SPECC1: variants seen among roughly 807,000 people sequenced by gnomAD.
SPECC1 encodes the protein sperm antigen with calponin homology and coiled-coil domains 1.
A neutral mutation model predicts 104.1 loss-of-function variants in SPECC1; 62 were observed. That is an observed-to-expected ratio of 0.60 (90% CI 0.49 to 0.74). The LOEUF is 0.74. SPECC1 is among the 30% of genes least tolerant of loss of function. The pLI, the probability that SPECC1 is intolerant of heterozygous loss-of-function variation, is 0.00. For synonymous variants in SPECC1, 513 were observed against 501.6 expected (o/e 1.02, Z -0.30); for missense variants, 1,306 against 1,310.5 (o/e 1.00, Z 0.05).
At chr17:20,281,091 G>T (rs560644555) in intron 12 of SPECC1, among the ~76,000 whole-genome samples, 1 of 152,212 alleles carries the variant, frequency 6.6e-6, no homozygotes, top group African/African-American at 2.4e-5. Flanking sequence ...TCTGATGTCA[G>T]CTCAGTTCTT....
intron 3 of SPECC1, among the ~76,000 whole-genome samples, chr17:20,162,639 T>C (rs985943434): frequency 6.6e-5 from 10 of 152,376 alleles, no homozygotes; most frequent in African/African-American, 2.4e-4. Flanking sequence ...TACTTTGGTT[T>C]GGACTGGTTG....
At chr17:20,168,681 G>C (rs1454399192) in intron 3 of SPECC1, among the ~76,000 whole-genome samples, 2 of 152,176 alleles carry the variant, frequency 1.3e-5, no homozygotes, top group African/African-American at 4.8e-5. Flanking sequence ...GAATAACCAA[G>C]GAGATCAACT....
At chr17:20,087,574 A>G (rs1451397269) in intron 1 of SPECC1, among the ~76,000 whole-genome samples, 2 of 152,176 alleles carry the variant, frequency 1.3e-5, no homozygotes, top group Non-Finnish European at 2.9e-5. Flanking sequence ...GTACCTTTGT[A>G]GAAGCTCCCT....
intron 5 of SPECC1, 54 bp downstream of exon 5, chr17:20,227,674 G>C: frequency 6.5e-7 from 1 of 1,537,162 alleles, no homozygotes; most frequent in Non-Finnish European, 8.9e-7. Flanking sequence ...CAGCACTTTG[G>C]GAGGCTGAGG....
intron 13 of SPECC1, among the ~76,000 whole-genome samples, chr17:20,304,841 CTG>C (rs1344165566): frequency 6.6e-6 from 1 of 151,868 alleles, no homozygotes; most frequent in African/African-American, 2.4e-5. Context: ...GGCAGGCCCT[CTG>C]TGTCAGAATA....
chr17:20,302,353 G>A (rs2041617313), intron 13 of SPECC1, among the ~76,000 whole-genome samples: 1 of 152,150 alleles, frequency 6.6e-6, no homozygotes, highest in African/African-American at 2.4e-5. Flanking sequence ...CACCCTGCCC[G>A]GCTCCTGTGG....
chr17:20,110,617 A>G, intron 3 of SPECC1, 55 bp downstream of exon 3: 1 of 1,543,630 alleles, frequency 6.5e-7, no homozygotes, highest in Non-Finnish European at 8.7e-7. Context: ...GCCGCATGGA[A>G]GCACTTCAGT....
At chr17:20,213,173 C>T (rs2151390303) in intron 4 of SPECC1, among the ~76,000 whole-genome samples, 1 of 152,168 alleles carries the variant, frequency 6.6e-6, no homozygotes, top group South Asian at 2.1e-4. Context: ...TCATAGCTCT[C>T]TGCAGTCTCA....
intron 1 of SPECC1, among the ~76,000 whole-genome samples, chr17:20,045,914 G>A (rs8069572): frequency 0.027 from 4,016 of 151,338 alleles, 189 homozygotes; most frequent in African/African-American, 0.092. Flanking sequence ...ATCTTATTTT[G>A]TTGTATCTGG....
intron 12 of SPECC1, among the ~76,000 whole-genome samples, chr17:20,288,945 C>T (rs967245386): frequency 3.3e-5 from 5 of 151,640 alleles, no homozygotes; most frequent in South Asian, 2.1e-4. Context: ...CCACCGTGCC[C>T]GGCTAATTTT....
Position 20,296,965 on chromosome 17 carries a change from T to C in SPECC1, c.2945T>C (p.Ile982Thr). The C allele has an allele frequency of 1.7e-5, 28 of 1,614,190 alleles. No homozygotes were observed. Among genetic ancestry groups the C allele is most frequent in the Middle Eastern group, 1.7e-4 (1 of 6,058 alleles). ...CQKKTQGYAN[I>T]DITNFSSSWS... is the part of the protein sequence containing the mutation. ...TACTACTTTTCTCTCCTGCAGAACA[T>C]TGACATCACCAATTTCAGCAGCAGC... The change falls in exon 13 of 15, where the codon ATT becomes ACT. Residue 982 changes from isoleucine to threonine, a missense_variant. Physicochemically the swap from Ile to Thr is moderately conservative, Grantham distance 89. Around this residue, in one of 2 missense-constraint regions of SPECC1, gnomAD observed 129 missense variants for 170.6 expected, o/e 0.76. Coordinates refer to ENST00000395527, the MANE Select transcript of SPECC1 (RefSeq NM_001243439.2).
Position 20,054,286 on chromosome 17 carries a change from G to A in SPECC1, c.-21-42345G>A, listed in dbSNP as rs1487146662. 2.6e-5 allele frequency among the ~76,000 whole-genome samples: 4 copies of A among 152,176 alleles called. No individual in the cohort carries two copies. In the South Asian group the frequency reaches 8.3e-4, roughly 32 times the overall value. The stretch of plus-strand genomic sequence containing the variant: ...AAGCAATGCAGGCAAAGCTGTTTGA[G>A]GTTTCATCCCACCATGCTTTCCAGC... On this transcript the variant is annotated intron_variant, in intron 1 of 14. Coordinates refer to ENST00000395527, the MANE Select transcript of SPECC1 (RefSeq NM_001243439.2).
intron 1 of SPECC1, among the ~76,000 whole-genome samples, chr17:20,078,712 CAT>C (rs961423222): frequency 3.3e-4 from 50 of 152,154 alleles, no homozygotes; most frequent in African/African-American, 9.9e-4. Context: ...ACAATACAAA[CAT>C]ATTTATGTTA....
At chr17:20,146,724 G>A (rs1467212172) in intron 3 of SPECC1, among the ~76,000 whole-genome samples, 3 of 152,068 alleles carry the variant, frequency 2.0e-5, no homozygotes, top group Non-Finnish European at 4.4e-5. Context: ...GGCCAACATG[G>A]CAAAACCCTG....
intron 1 of SPECC1, among the ~76,000 whole-genome samples, chr17:20,041,913 C>T (rs1268634250): frequency 6.6e-6 from 1 of 152,166 alleles, no homozygotes; most frequent in South Asian, 2.1e-4. Context: ...GCGTGAGCCA[C>T]CGCGCCCAGC....
intron 1 of SPECC1, among the ~76,000 whole-genome samples, chr17:20,024,324 G>A (rs774932216): frequency 1.3e-5 from 2 of 151,966 alleles, no homozygotes; most frequent in East Asian, 3.9e-4. Flanking sequence ...CATTCATCAC[G>A]TCCTTTGTGA....
At chr17:20,182,503 C>T (rs2034979336) in intron 3 of SPECC1, among the ~76,000 whole-genome samples, 1 of 152,076 alleles carries the variant, frequency 6.6e-6, no homozygotes, top group African/African-American at 2.4e-5. Context: ...TTATTTAGTA[C>T]TTATTCCATT....
chr17:20,060,313 T>G (rs932967250), intron 1 of SPECC1, among the ~76,000 whole-genome samples: 21 of 152,280 alleles, frequency 1.4e-4, no homozygotes, highest in African/African-American at 4.6e-4. Context: ...CATGGAAAGC[T>G]TATGCGGTTT....
intron 1 of SPECC1, among the ~76,000 whole-genome samples, chr17:20,092,084 T>C (rs1172889224): frequency 6.6e-6 from 1 of 152,152 alleles, no homozygotes; most frequent in African/African-American, 2.4e-5. Flanking sequence ...CTTTCTCTTC[T>C]ACTTTACACT....
Sources: gnomAD v4.1 joint callset for allele counts (sites outside exome capture counted in the v4.1 genomes callset) on GRCh38, gnomAD v4.1.1 for gene constraint, gnomAD v4.1.1 regional missense constraint, MANE v1.5 for transcripts, NCBI Gene and HGNC (gene_info 2026-07-23, HGNC 2026-07-21) for gene names.